RIMBP2: variants seen among roughly 807,000 people sequenced by gnomAD.
The protein encoded by RIMBP2 is RIMS binding protein 2.
Under a neutral mutation model 118.6 loss-of-function variants are expected in RIMBP2, and 48 were observed. The observed-to-expected ratio is 0.40, with a 90% CI of 0.32 to 0.51. The LOEUF (loss-of-function observed/expected upper bound fraction) is 0.51. Ranked by LOEUF, RIMBP2 falls within the 20% of genes least tolerant of loss-of-function variation. The pLI, the probability that RIMBP2 is intolerant of heterozygous loss-of-function variation, is 0.41. For synonymous variants in RIMBP2, 762 were observed against 742.9 expected, an observed-to-expected ratio of 1.03 and a Z score of -0.42; for missense variants, 1,551 against 1,768.3, an observed-to-expected ratio of 0.88 and a Z score of 2.20.
chr12:130,568,536 C>T (rs906644838), intron 2 of RIMBP2, among the ~76,000 whole-genome samples: 5 of 152,200 alleles, frequency 3.3e-5, no homozygotes, highest in Admixed American at 6.5e-5. Context: ...TTGACAATGA[C>T]GTGCTCCCCT....
rs766874641 is a variant in RIMBP2, at chr12:130,469,269, C to T, written c.153+1424G>A. On this transcript the variant is annotated intron_variant, in intron 6 of 22. Coordinates refer to ENST00000690449, the MANE Select transcript of RIMBP2 (RefSeq NM_001393629.1). The surrounding 1 kb of genome is among the most constrained non-coding windows in gnomAD (Gnocchi z 4.8). ...TTGCCTTGTTTTTCGAACCAAAGCACGCTGCGTTGCGACCGTCACCACATT... is the reference window on the plus strand; with the variant it reads ...TTGCCTTGTTTTTCGAACCAAAGCATGCTGCGTTGCGACCGTCACCACATT... 5 of 152,572 alleles carry T rather than the reference C, an allele frequency of 3.3e-5. No homozygotes were observed. The highest frequency in any genetic ancestry group is 2.1e-4 in the South Asian group (1 of 4,822). 9.5% of individuals were successfully genotyped at this position (152,572 alleles called of 1,614,324 possible). A position where few individuals can be genotyped will look rare whatever the true frequency, so the allele number is the denominator to read the frequency against.
intron 2 of RIMBP2, among the ~76,000 whole-genome samples, chr12:130,551,552 C>CT (rs11380320): frequency 0.52 from 79,101 of 151,894 alleles, 21,306 homozygotes; most frequent in Non-Finnish European, 0.58. Flanking sequence ...TCTTAGATTT[C>CT]TTTTTTTTCT....
rs1189687650 is a variant in RIMBP2 at position 130,431,017 on chromosome 12, C to G, written c.2254-2680G>C. Among the ~76,000 whole-genome samples, 1 of 152,118 alleles carries G rather than the reference C, an allele frequency of 6.6e-6. No individual in the cohort carries two copies. Among genetic ancestry groups the G allele is most frequent in the Non-Finnish European group, 1.5e-5 (1 of 68,020 alleles). ...ATAGACAATCTTTGTCAATGAAATA[C>G]TTTTAAAAATAGATAACTAAAGATA... On this transcript the variant is annotated intron_variant, in intron 14 of 22. Coordinates refer to ENST00000690449, the MANE Select transcript of RIMBP2 (RefSeq NM_001393629.1). This position sits in a 1 kb window ranked among gnomAD's most constrained non-coding sequence, Gnocchi z 4.0.
At chr12:130,587,838 A>G (rs144059757) in intron 2 of RIMBP2, among the ~76,000 whole-genome samples, 1 of 150,512 alleles carries the variant, frequency 6.6e-6, no homozygotes, top group Non-Finnish European at 1.5e-5. Flanking sequence ...ATAAAAAAAA[A>G]AAAAGAAAAA....
At chr12:130,624,138 T>A (rs557975610) in intron 2 of RIMBP2, among the ~76,000 whole-genome samples, 1 of 152,330 alleles carries the variant, frequency 6.6e-6, no homozygotes, top group Admixed American at 6.5e-5. Context: ...GCCAATGTAC[T>A]CATAGGAAAT....
chr12:130,684,795 C>T (rs75826623), intron 1 of RIMBP2, among the ~76,000 whole-genome samples: 3,579 of 152,236 alleles, frequency 0.024, 147 homozygotes, highest in African/African-American at 0.081. Flanking sequence ...CATATATATA[C>T]GAGTATTACC....
At chr12:130,562,667 G>A (rs1478864948) in intron 2 of RIMBP2, among the ~76,000 whole-genome samples, 1 of 152,234 alleles carries the variant, frequency 6.6e-6, no homozygotes, top group East Asian at 1.9e-4. Flanking sequence ...TAAAGGCTGG[G>A]GTTCTAAGGC....
At chr12:130,661,060 G>C (rs1184846305) in intron 1 of RIMBP2, among the ~76,000 whole-genome samples, 3 of 152,188 alleles carry the variant, frequency 2.0e-5, no homozygotes, top group African/African-American at 7.2e-5. Flanking sequence ...CTCAAAAAAA[G>C]TACATAATAT....
At chr12:130,645,366 C>T (rs1039537271) in intron 1 of RIMBP2, among the ~76,000 whole-genome samples, 6 of 152,200 alleles carry the variant, frequency 3.9e-5, no homozygotes, top group Admixed American at 1.3e-4. Flanking sequence ...TTCTATTATC[C>T]AGAGGAGAAA....
chr12:130,571,672 G>T (rs1293060175), intron 2 of RIMBP2, among the ~76,000 whole-genome samples: 1 of 152,122 alleles, frequency 6.6e-6, no homozygotes, highest in African/African-American at 2.4e-5. Context: ...TGCTCAGACA[G>T]TTGGCACCAC....
intron 2 of RIMBP2, among the ~76,000 whole-genome samples, chr12:130,562,224 A>G (rs1408762267): frequency 6.6e-6 from 1 of 152,238 alleles, no homozygotes; most frequent in Admixed American, 6.5e-5. Flanking sequence ...GCCACCCTCC[A>G]TGAAACTTAG....
chr12:130,666,267 T>G (rs576374759), intron 1 of RIMBP2, among the ~76,000 whole-genome samples: 36 of 152,138 alleles, frequency 2.4e-4, no homozygotes, highest in Non-Finnish European at 4.0e-4. Context: ...GCAGCAAGTG[T>G]GCAAGAAGAG....
rs1593347193 is a variant in RIMBP2 at position 130,451,178 on chromosome 12, T to C, written c.504+17A>G. The C allele has an allele frequency of 6.2e-7, 1 of 1,610,902 alleles. No individual in the cohort carries two copies. Among genetic ancestry groups the C allele is most frequent in the Non-Finnish European group, 8.5e-7 (1 of 1,178,026 alleles). Reference sequence around the variant, plus strand: ...CAGCACAGGCAGCCCCGGCAGCCCCTGCGGGACGGGACTCACGTCTGACTC... The same window carrying C: ...CAGCACAGGCAGCCCCGGCAGCCCCCGCGGGACGGGACTCACGTCTGACTC... On this transcript the variant is annotated intron_variant, in intron 8 of 22. Transcript: ENST00000690449.
intron 3 of RIMBP2, among the ~76,000 whole-genome samples, chr12:130,508,675 G>A (rs910858593): frequency 5.3e-5 from 8 of 152,162 alleles, no homozygotes; most frequent in African/African-American, 1.9e-4. Flanking sequence ...TGTCCTCTGC[G>A]GCTGTTTGCC....
chr12:130,715,915 A>G (rs1216864241), intron 1 of RIMBP2, among the ~76,000 whole-genome samples: 2 of 152,060 alleles, frequency 1.3e-5, no homozygotes, highest in Non-Finnish European at 2.9e-5. Context: ...GGGGGCCATG[A>G]CAGAGCCACA....
At chr12:130,571,888 A>C (rs558662088) in intron 2 of RIMBP2, among the ~76,000 whole-genome samples, 18 of 152,080 alleles carry the variant, frequency 1.2e-4, no homozygotes, top group African/African-American at 4.1e-4. Flanking sequence ...GGGGCTGTAC[A>C]TGCTGCCCCT....
intron 2 of RIMBP2, among the ~76,000 whole-genome samples, chr12:130,540,040 C>G (rs865990625): frequency 9.4e-5 from 10 of 106,758 alleles, no homozygotes; most frequent in Admixed American, 2.8e-4. Flanking sequence ...ATGAGGTGGC[C>G]AGGTGTAGGA....
At chr12:130,695,735 G>A (rs566598785) in intron 1 of RIMBP2, among the ~76,000 whole-genome samples, 20 of 152,110 alleles carry the variant, frequency 1.3e-4, no homozygotes, top group Non-Finnish European at 2.2e-4. Context: ...GCCAGGGGAC[G>A]AGGCAGAGGC....
At chr12:130,692,940 G>A (rs532105334) in intron 1 of RIMBP2, among the ~76,000 whole-genome samples, 49 of 151,804 alleles carry the variant, frequency 3.2e-4, no homozygotes, top group African/African-American at 1.1e-3. Context: ...GGGATTGAAC[G>A]GCTGGAATGG....
Sources: gnomAD v4.1 joint callset for allele counts (sites outside exome capture counted in the v4.1 genomes callset) on GRCh38, gnomAD v4.1.1 for gene constraint, Gnocchi (gnomAD v3.1) non-coding constraint, MANE v1.5 for transcripts, NCBI Gene and HGNC (gene_info 2026-07-23, HGNC 2026-07-21) for gene names.